Variants in MAPK9 observed in about 807,000 individuals in gnomAD.
MAPK9 encodes the protein mitogen-activated protein kinase 9.
In MAPK9, 30 loss-of-function variants were observed where a neutral mutation model predicts 57.1. The ratio of observed to expected loss-of-function variants is 0.53; its 90% CI spans 0.39 to 0.71. The LOEUF (loss-of-function observed/expected upper bound fraction) is 0.71, where lower values mean the gene tolerates loss of function less well. Among genes scored for constraint, MAPK9 ranks in the 30% least tolerant of loss-of-function variants. MAPK9 has a pLI of 0.00. For synonymous variants in MAPK9, 155 were observed against 177.0 expected, an observed-to-expected ratio of 0.88 and a Z score of 0.99; for missense variants, 362 against 521.0, an observed-to-expected ratio of 0.69 and a Z score of 2.97.
At chr5:180,264,949 G>T in intron 3 of MAPK9, 110 bp from the exon 4 acceptor site, 1 of 861,288 alleles carries the variant, frequency 1.2e-6, no homozygotes, top group Non-Finnish European at 1.6e-6. Context: ...GCAGAATTCA[G>T]TACTTCTTAT....
intron 1 of MAPK9, among the ~76,000 whole-genome samples, chr5:180,287,275 G>A (rs977381973): frequency 9.2e-5 from 14 of 152,292 alleles, no homozygotes; most frequent in African/African-American, 2.4e-4. Flanking sequence ...ACCTTGCTCC[G>A]ATGCCCAATG....
intron 7 of MAPK9, chr5:180,246,079 A>G (rs2127580095): frequency 6.6e-6 from 1 of 152,380 alleles, no homozygotes; most frequent in Non-Finnish European, 1.5e-5. Flanking sequence ...AAGTACTCAC[A>G]TTTTTCATTT....
chr5:180,246,515 T>A (rs955299943), intron 7 of MAPK9: 1 of 152,206 alleles, frequency 6.6e-6, no homozygotes, highest in Non-Finnish European at 1.5e-5. Flanking sequence ...ACTATGGAGC[T>A]TGATTTCCTT....
intron 5 of MAPK9, among the ~76,000 whole-genome samples, chr5:180,250,664 C>T (rs1206101100): frequency 6.6e-6 from 1 of 152,160 alleles, no homozygotes; most frequent in African/African-American, 2.4e-5. Flanking sequence ...ATTACACTGC[C>T]ATGCTGCTAA....
rs1760764118 is a variant in MAPK9, at chr5:180,267,612, A to C, written c.252+1668T>G. Among the ~76,000 whole-genome samples, 5 of 151,966 alleles carry C rather than the reference A, an allele frequency of 3.3e-5. No individual in the cohort carries two copies. In the South Asian group the frequency reaches 1.0e-3, roughly 32 times the overall value. The stretch of plus-strand genomic sequence containing the variant: ...AGTAAAATAAAGCATGCATTAGAGA[A>C]ATTTAAACCAACTCAAGCCACAGAC... On this transcript the variant is annotated intron_variant, in intron 3 of 11. Coordinates refer to ENST00000452135, the MANE Select transcript of MAPK9 (RefSeq NM_002752.5).
intron 1 of MAPK9, among the ~76,000 whole-genome samples, chr5:180,286,563 C>T (rs1762790546): frequency 6.6e-6 from 1 of 151,800 alleles, no homozygotes; most frequent in Non-Finnish European, 1.5e-5. Context: ...GTATATACCA[C>T]AATACAGAAC....
At chr5:180,239,811 T>C in intron 10 of MAPK9, 113 bp downstream of exon 10, 1 of 952,112 alleles carries the variant, frequency 1.1e-6, no homozygotes, top group Non-Finnish European at 1.7e-6. Context: ...GCTAAGTGGG[T>C]CGCAGGGTTT....
chr5:180,243,525 G>GT (rs1757821889), intron 7 of MAPK9, among the ~76,000 whole-genome samples: 1 of 152,096 alleles, frequency 6.6e-6, no homozygotes, highest in South Asian at 2.1e-4. Context: ...CACTGAAACT[G>GT]TACTCGCTAT....
chr5:180,273,322 T>C (rs1213352958), intron 2 of MAPK9, among the ~76,000 whole-genome samples: 1 of 152,236 alleles, frequency 6.6e-6, no homozygotes, highest in Non-Finnish European at 1.5e-5. Flanking sequence ...TTTCTTGATC[T>C]TGGTTTTTTA....
In MAPK9 at chr5:180,235,623, G is replaced by A. The variant is rs1251139740; in HGVS notation, c.*761C>T. 6.6e-6 allele frequency: 1 copy of A among 152,206 alleles called. No homozygotes were observed. Among genetic ancestry groups the A allele is most frequent in the Admixed American group, 6.5e-5 (1 of 15,282 alleles). 9.4% of individuals were successfully genotyped at this position (152,206 alleles called of 1,614,324 possible). ...AAGAAGAAAAGAGATAAGGTAGCTA[G>A]GATTTCAAGCAGCACTAAGCAAAAC... On this transcript the variant is annotated 3_prime_UTR_variant, in exon 12 of 12. Transcript: ENST00000452135.
rs536097412 is a variant in MAPK9, at chr5:180,249,875, G to A, written c.451-737C>T. Among the ~76,000 whole-genome samples, 34 of 152,228 alleles carry A rather than the reference G, an allele frequency of 2.2e-4. No individual in the cohort carries two copies. In the East Asian group the frequency reaches 2.9e-3, roughly 13 times the overall value. The stretch of plus-strand genomic sequence containing the variant: ...GAAGTCCAGTATGTATTTTACAACT[G>A]CAGCACGGCCACATCCTGAGTGCTC... On this transcript the variant is annotated intron_variant, in intron 5 of 11. Transcript: ENST00000452135.
At chr5:180,267,508 GCT>G (rs1441239999) in intron 3 of MAPK9, among the ~76,000 whole-genome samples, 125 of 146,828 alleles carry the variant, frequency 8.5e-4, no homozygotes, top group Non-Finnish European at 1.8e-3. Context: ...CTTGCAGTGA[GCT>G]GAGATCGCGC....
intron 2 of MAPK9, among the ~76,000 whole-genome samples, chr5:180,271,431 C>T (rs561544327): frequency 3.9e-5 from 6 of 152,334 alleles, no homozygotes; most frequent in African/African-American, 9.6e-5. Flanking sequence ...AATCCCCAAT[C>T]GCCAACACCT....
chr5:180,278,685 G>A (rs964425831), intron 2 of MAPK9, among the ~76,000 whole-genome samples: 1 of 152,098 alleles, frequency 6.6e-6, no homozygotes, highest in South Asian at 2.1e-4. Flanking sequence ...GTGACAAAGT[G>A]AGACTCTGTC....
chr5:180,275,087 T>G (rs1375041981), intron 2 of MAPK9, among the ~76,000 whole-genome samples: 1 of 152,236 alleles, frequency 6.6e-6, no homozygotes, highest in African/African-American at 2.4e-5. Context: ...TTTAAAAATG[T>G]GGATCTAATA....
intron 3 of MAPK9, among the ~76,000 whole-genome samples, chr5:180,267,486 T>A (rs7737376): frequency 7.1e-6 from 1 of 140,176 alleles, no homozygotes; most frequent in African/African-American, 2.7e-5. Context: ...GGCGTGAACC[T>A]GGGAGGCGGA....
intron 2 of MAPK9, among the ~76,000 whole-genome samples, chr5:180,272,825 C>G (rs2127611307): frequency 6.6e-6 from 1 of 152,302 alleles, no homozygotes; most frequent in East Asian, 1.9e-4. Flanking sequence ...CTCCGGATCC[C>G]CTATGCATGT....
chr5:180,263,953 C>T (rs556689909), intron 4 of MAPK9, among the ~76,000 whole-genome samples: 2 of 152,298 alleles, frequency 1.3e-5, no homozygotes, highest in Admixed American at 6.5e-5. Context: ...GATCCGCCCG[C>T]CTCGGCCTCC....
Position 180,242,698 on chromosome 5 carries a change from A to T in MAPK9, c.746T>A (p.Met249Lys). 6.2e-7 allele frequency: 1 copy of T among 1,614,168 alleles called. No individual in the cohort carries two copies. The highest frequency in any genetic ancestry group is 8.5e-7 in the Non-Finnish European group (1 of 1,180,034). The change falls in exon 8 of 12, where the codon ATG becomes AAG. Residue 249 changes from methionine (M) to lysine (K), a missense_variant. Physicochemically the swap from Met to Lys is moderately conservative, Grantham distance 95. Around this residue, in one of 3 missense-constraint regions of MAPK9, gnomAD observed 199 missense variants for 251.3 expected, o/e 0.79. Coordinates refer to ENST00000452135, the MANE Select transcript of MAPK9 (RefSeq NM_002752.5). ...CCTCACAGTTGGCTGAAGTTTCTTC[A>T]TGAACTCTGCTGATGGTGTTCCCAG... is the stretch of plus-strand genomic sequence containing the variant. Reference protein sequence around the residue: ...EQLGTPSAEFMKKLQPTVRNY... With the variant: ...EQLGTPSAEFKKKLQPTVRNY...
Sources: allele counts gnomAD v4.1 joint callset (sites outside exome capture counted in the v4.1 genomes callset), GRCh38; gene constraint gnomAD v4.1.1; regional missense constraint gnomAD v4.1.1; transcripts MANE v1.5; gene names NCBI Gene and HGNC (gene_info 2026-07-23, HGNC 2026-07-21).